Variants in LMF1 observed in about 807,000 individuals in gnomAD.
LMF1 encodes transmembrane protein 112.
A neutral mutation model predicts 60.6 loss-of-function variants in LMF1; 68 were observed. That is an observed-to-expected ratio of 1.12 (90% CI 0.92 to 1.37). The LOEUF (loss-of-function observed/expected upper bound fraction) is 1.37. Ranked by LOEUF, LMF1 falls within the 40% of genes most tolerant of loss-of-function variation. LMF1 has a pLI of 0.00. For synonymous variants in LMF1, 418 were observed against 324.7 expected (o/e 1.29, Z -3.09); for missense variants, 948 against 767.2 (o/e 1.24, Z -2.78).
At chr16:979,079 G>A (rs773247043) in intron 1 of LMF1, 5 of 453,890 alleles carry the variant, frequency 1.1e-5, no homozygotes, top group African/African-American at 1.0e-4. Flanking sequence ...AGCTGTGAGG[G>A]TGGCCCGGCT....
intron 2 of LMF1, among the ~76,000 whole-genome samples, chr16:950,578 G>A (rs1284343674): frequency 7.2e-6 from 1 of 137,998 alleles, no homozygotes; most frequent in East Asian, 2.1e-4. Context: ...GCCAACGACA[G>A]AGTCAGCCAA....
chr16:860,191 A>T (rs781022712), intron 10 of LMF1, among the ~76,000 whole-genome samples: 3 of 114,430 alleles, frequency 2.6e-5, no homozygotes, highest in Admixed American at 1.0e-4. Context: ...TAGCTTAAAA[A>T]TTATCTTTGT....
chr16:888,908 A>G (rs1207489468), intron 5 of LMF1, among the ~76,000 whole-genome samples: 1 of 152,086 alleles, frequency 6.6e-6, no homozygotes, highest in African/African-American at 2.4e-5. Flanking sequence ...CTCAGCTGGG[A>G]CAGGAGCTGC....
At position 868,136 on chromosome 16, in the gene LMF1, G is replaced by A. The variant is rs980847538; in HGVS notation, c.1529+808C>T. On this transcript the variant is annotated intron_variant, in intron 10 of 10. Coordinates refer to ENST00000262301, the MANE Select transcript of LMF1 (RefSeq NM_022773.4). ...ACCATGTGGGGCAGGGGATACAAAC[G>A]CTTGTCAGAGTGGCCGCCCCAGGTC... 2.6e-5 allele frequency among the ~76,000 whole-genome samples: 4 copies of A among 152,180 alleles called. No homozygotes were observed. The East Asian group carries it at 7.7e-4, about 29-fold the overall frequency.
intron 1 of LMF1, among the ~76,000 whole-genome samples, chr16:964,905 C>A (rs953342460): frequency 6.6e-6 from 1 of 152,226 alleles, no homozygotes; most frequent in African/African-American, 2.4e-5. Context: ...AACTGCCCCA[C>A]GCGGAAAAGA....
At chr16:869,843 T>A in intron 9 of LMF1, 40 bp downstream of exon 9, 1 of 1,588,510 alleles carries the variant, frequency 6.3e-7, no homozygotes, top group Non-Finnish European at 8.6e-7. Flanking sequence ...GAGGGTGGGG[T>A]ACAGGCAGGT....
intron 2 of LMF1, among the ~76,000 whole-genome samples, chr16:935,216 C>T (rs2071905663): frequency 6.6e-6 from 1 of 152,070 alleles, no homozygotes; most frequent in Non-Finnish European, 1.5e-5. Context: ...CCTCCCGCCT[C>T]AGCCTCCTGA....
At chr16:868,192 C>G (rs946615997) in intron 10 of LMF1, among the ~76,000 whole-genome samples, 1 of 152,118 alleles carries the variant, frequency 6.6e-6, no homozygotes. Context: ...ATCCTCCATG[C>G]TCTGCCCCAC....
chr16:939,510 C>A (rs952981793), intron 2 of LMF1, among the ~76,000 whole-genome samples: 4 of 152,238 alleles, frequency 2.6e-5, no homozygotes, highest in Admixed American at 2.6e-4. Flanking sequence ...CCACACGTGC[C>A]GCCGAGCAGC....
intron 5 of LMF1, among the ~76,000 whole-genome samples, chr16:890,682 C>T (rs1442027350): frequency 1.3e-5 from 2 of 152,202 alleles, no homozygotes; most frequent in East Asian, 1.9e-4. Flanking sequence ...GGCACAGGAC[C>T]CCCCCATGTG....
At chr16:917,858 T>C (rs1209325168) in intron 3 of LMF1, among the ~76,000 whole-genome samples, 1 of 152,218 alleles carries the variant, frequency 6.6e-6, no homozygotes, top group African/African-American at 2.4e-5. Flanking sequence ...CTCCCTGGCC[T>C]GTGGTCACCC....
intron 3 of LMF1, among the ~76,000 whole-genome samples, chr16:926,359 T>G (rs1020777215): frequency 2.6e-5 from 4 of 152,244 alleles, no homozygotes; most frequent in African/African-American, 9.6e-5. Context: ...TGTGTGCACG[T>G]GCTTGCATAT....
chr16:885,429 G>A (rs1386457325), intron 5 of LMF1, among the ~76,000 whole-genome samples: 1 of 152,194 alleles, frequency 6.6e-6, no homozygotes, highest in Non-Finnish European at 1.5e-5. Flanking sequence ...CAGACACCCA[G>A]ATAAAGGGCA....
rs556591598 is a variant in LMF1 at position 956,715 on chromosome 16, G to T, written c.194-2049C>A. Among the ~76,000 whole-genome samples, 3 of 151,824 alleles carry T rather than the reference G, an allele frequency of 2.0e-5. No homozygotes were observed. The South Asian group carries it at 6.3e-4, about 32-fold the overall frequency. On this transcript the variant is annotated intron_variant, in intron 1 of 10. Transcript: ENST00000262301. The stretch of plus-strand genomic sequence containing the variant: ...AAAAATTAGCTGGGCGTTGTGGCAG[G>T]CACCTGTAATCCAAGCTACTCAGGA...
intron 5 of LMF1, chr16:885,178 A>C (rs1567180998): frequency 6.6e-6 from 1 of 152,276 alleles, no homozygotes; most frequent in Non-Finnish European, 1.5e-5. Flanking sequence ...CTTGAAGGTG[A>C]GCTGTGATGG....
intron 1 of LMF1, among the ~76,000 whole-genome samples, chr16:956,876 C>T (rs1329631274): frequency 3.2e-5 from 4 of 125,190 alleles, no homozygotes; most frequent in Non-Finnish European, 5.0e-5. Flanking sequence ...ATTTAAGGGT[C>T]GGGCACGGTG....
At chr16:949,328 G>GACAGAGTCAGCCAACA (rs2072365834) in intron 2 of LMF1, among the ~76,000 whole-genome samples, 1 of 125,506 alleles carries the variant, frequency 8.0e-6, no homozygotes, top group Non-Finnish European at 1.6e-5. Flanking sequence ...GTCAGCCAAC[G>GACAGAGTCAGCCAACA]ACAGAGTCAG....
chr16:932,180 C>G (rs559293710), intron 3 of LMF1, among the ~76,000 whole-genome samples: 6 of 152,222 alleles, frequency 3.9e-5, no homozygotes, highest in South Asian at 2.1e-4. Context: ...ACTTCCCCCC[C>G]ACCCTACTTA....
At chr16:870,323 GCCC>G (rs1257105035) in intron 8 of LMF1, among the ~76,000 whole-genome samples, 7 of 152,240 alleles carry the variant, frequency 4.6e-5, no homozygotes, top group Non-Finnish European at 8.8e-5. Flanking sequence ...TGTGCCCCAT[GCCC>G]CTCGGCAGCT....
Sources: gnomAD v4.1 joint callset for allele counts (sites outside exome capture counted in the v4.1 genomes callset) on GRCh38, gnomAD v4.1.1 for gene constraint, MANE v1.5 for transcripts, NCBI Gene and HGNC (gene_info 2026-07-23, HGNC 2026-07-21) for gene names.